The following PAK1 variants were observed in gnomAD, a reference collection of about 807,000 sequenced individuals.
PAK1 encodes p21 (RAC1) activated kinase 1.
In PAK1, 29 loss-of-function variants were observed where a neutral mutation model predicts 67.4. The ratio of observed to expected loss-of-function variants is 0.43; its 90% confidence interval spans 0.32 to 0.59. PAK1 has a LOEUF of 0.59. PAK1 is among the 20% of genes least tolerant of loss of function. The pLI is 0.07. For missense variants in PAK1, 337 were observed against 670.7 expected, an observed-to-expected ratio of 0.50 and a Z score of 5.50; for synonymous variants, 223 against 237.4, an observed-to-expected ratio of 0.94 and a Z score of 0.56.
the PAK1 span, among the ~76,000 whole-genome samples, chr11:77,508,942 G>C: frequency 7.0e-6 from 1 of 143,294 alleles, no homozygotes; most frequent in Non-Finnish European, 1.5e-5. Flanking sequence ...TTACAGGCGT[G>C]AGCCACCGCG....
At chr11:77,492,612 G>A in the PAK1 span, among the ~76,000 whole-genome samples, 1 of 147,194 alleles carries the variant, frequency 6.8e-6, no homozygotes, top group Non-Finnish European at 1.5e-5. Flanking sequence ...CACAATCATA[G>A]CTCACTATAA....
rs1942881596 is a variant in PAK1, at chr11:77,337,427, T to G, written c.1117-4A>C. 2 of 1,555,008 alleles carry G rather than the reference T, an allele frequency of 1.3e-6. No individual in the cohort carries two copies. Among genetic ancestry groups the G allele is most frequent in the African/African-American group, 1.4e-5 (1 of 73,744 alleles). ...AGAACTCCAGAGCCTGCAGACACTA[T>G]TGAAGTGGTGTGGGCAGGGGGAGAA... On this transcript the variant is annotated splice_region_variant and splice_polypyrimidine_tract_variant and intron_variant, in intron 11 of 14. Transcript: ENST00000356341.
At chr11:77,519,193 C>T in the PAK1 span, among the ~76,000 whole-genome samples, 10 of 152,200 alleles carry the variant, frequency 6.6e-5, no homozygotes, top group South Asian at 2.1e-4. Flanking sequence ...TGAACAAGGT[C>T]GTTACATTGC....
chr11:77,331,224 T>C (rs914974294), intron 14 of PAK1, among the ~76,000 whole-genome samples: 18 of 152,224 alleles, frequency 1.2e-4, no homozygotes, highest in Non-Finnish European at 2.5e-4. Context: ...GAAGTCAGTG[T>C]GGCAATTCCT....
intron 9 of PAK1, among the ~76,000 whole-genome samples, chr11:77,346,674 T>G (rs1944471025): frequency 6.6e-6 from 1 of 152,220 alleles, no homozygotes; most frequent in African/African-American, 2.4e-5. Context: ...CGCTACTGTT[T>G]ATCAAATACC....
At chr11:77,498,463 C>T in the PAK1 span, among the ~76,000 whole-genome samples, 1 of 151,264 alleles carries the variant, frequency 6.6e-6, no homozygotes, top group Admixed American at 6.6e-5. Flanking sequence ...TATAAAAGCT[C>T]ATTATTGCTC....
chr11:77,483,818 C>T, the PAK1 span, among the ~76,000 whole-genome samples: 290 of 152,262 alleles, frequency 1.9e-3, 1 homozygote, highest in African/African-American at 6.7e-3. Context: ...TACAGCAATT[C>T]GTGGAGATGA....
At chr11:77,407,264 A>G (rs1953731443) in intron 1 of PAK1, among the ~76,000 whole-genome samples, 2 of 152,144 alleles carry the variant, frequency 1.3e-5, no homozygotes. Context: ...ATTGCCACCT[A>G]CTATCTGTTC....
chr11:77,460,173 G>C lies in PAK1; in HGVS notation c.-22+13379C>G, dbSNP rs532101134. 1.3e-4 allele frequency among the ~76,000 whole-genome samples: 18 copies of C among 142,234 alleles called. No homozygotes were observed. The South Asian group carries it at 4.2e-3, about 33-fold the overall frequency. The allele number at this position is 142,234 out of a possible 152,430, so 93.3% of individuals were successfully genotyped here. ...TCTGTAGAATAGAAAAAAAAAAAAAGGGATGAAAAGGAAAAAGGGAGAGAG... is the reference window on the plus strand; with the variant it reads ...TCTGTAGAATAGAAAAAAAAAAAAACGGATGAAAAGGAAAAAGGGAGAGAG... On this transcript the variant is annotated intron_variant, in intron 1 of 14. Transcript: ENST00000356341.
intron 11 of PAK1, 57 bp downstream of exon 11, chr11:77,340,589 G>A (rs1013442369): frequency 1.0e-5 from 9 of 869,102 alleles, no homozygotes; most frequent in Non-Finnish European, 1.8e-5. Context: ...GGGAACTTCA[G>A]GAGACAGGAA....
the PAK1 span, among the ~76,000 whole-genome samples, chr11:77,529,512 ATTC>A: frequency 6.6e-6 from 1 of 152,168 alleles, no homozygotes; most frequent in Non-Finnish European, 1.5e-5. Flanking sequence ...TTCTATGTCT[ATTC>A]TTATTTTTTC....
At chr11:77,367,091 G>C (rs1351970027) in intron 5 of PAK1, among the ~76,000 whole-genome samples, 1 of 152,146 alleles carries the variant, frequency 6.6e-6, no homozygotes, top group Non-Finnish European at 1.5e-5. Flanking sequence ...AAACACAAAA[G>C]ACTACATGTT....
At chr11:77,368,582 G>A (rs191419797) in intron 5 of PAK1, among the ~76,000 whole-genome samples, 114 of 152,282 alleles carry the variant, frequency 7.5e-4, no homozygotes, top group African/African-American at 2.6e-3. Flanking sequence ...AATGGTGAAG[G>A]AAGATCCCAG....
intron 1 of PAK1, among the ~76,000 whole-genome samples, chr11:77,455,026 T>A (rs116242380): frequency 8.0e-4 from 122 of 152,270 alleles, no homozygotes; most frequent in African/African-American, 2.8e-3. Context: ...CACTGGTGAA[T>A]AAAGAAGCTT....
intron 1 of PAK1, chr11:77,411,857 CA>C (rs1369180206): frequency 1.3e-5 from 2 of 152,364 alleles, no homozygotes; most frequent in African/African-American, 4.8e-5. Context: ...CGGGTACCCA[CA>C]AGGCCCCTGC....
the PAK1 span, among the ~76,000 whole-genome samples, chr11:77,488,756 GAA>G: frequency 6.6e-6 from 1 of 151,432 alleles, no homozygotes; most frequent in Non-Finnish European, 1.5e-5. Context: ...GGAGACAAAA[GAA>G]AAAAGAATTT....
At chr11:77,451,347 G>A (rs140621502) in intron 1 of PAK1, among the ~76,000 whole-genome samples, 1 of 152,226 alleles carries the variant, frequency 6.6e-6, no homozygotes, top group African/African-American at 2.4e-5. Context: ...AAGACACAGG[G>A]ACATACAGAA....
chr11:77,357,728 A>G (rs1020582962), intron 6 of PAK1, among the ~76,000 whole-genome samples: 5 of 152,148 alleles, frequency 3.3e-5, no homozygotes, highest in Admixed American at 2.0e-4. Context: ...GGAATTACCA[A>G]TACCTTTTTA....
intron 1 of PAK1, among the ~76,000 whole-genome samples, chr11:77,398,775 T>G (rs1952188635): frequency 6.6e-6 from 1 of 152,236 alleles, no homozygotes; most frequent in Non-Finnish European, 1.5e-5. Flanking sequence ...AGACCTCATC[T>G]TTAAACTCTC....
Sources: gnomAD v4.1 joint callset for allele counts (sites outside exome capture counted in the v4.1 genomes callset) on GRCh38, gnomAD v4.1.1 for gene constraint, MANE v1.5 for transcripts, NCBI Gene and HGNC (gene_info 2026-07-23, HGNC 2026-07-21) for gene names.